The following TMEM132E variants were observed in gnomAD, a reference collection of about 807,000 sequenced individuals.
TMEM132E encodes transmembrane protein 132E.
A neutral mutation model predicts 78.5 loss-of-function variants in TMEM132E; 49 were observed. The ratio of observed to expected loss-of-function variants is 0.62; its 90% CI spans 0.50 to 0.79. The LOEUF (loss-of-function observed/expected upper bound fraction) is 0.79, where lower values mean the gene tolerates loss of function less well. Ranked by LOEUF, TMEM132E falls within the 30% of genes least tolerant of loss-of-function variation. The probability of loss-of-function intolerance (pLI) is 0.00; values close to 1 mark genes in which losing one functional copy is unlikely to be tolerated. For synonymous variants in TMEM132E, 715 were observed against 670.6 expected, an observed-to-expected ratio of 1.07 and a Z score of -1.02; for missense variants, 1,403 against 1,470.9, an observed-to-expected ratio of 0.95 and a Z score of 0.75.
chr17:34,605,194 T>C (rs1258737616), intron 1 of TMEM132E, among the ~76,000 whole-genome samples: 1 of 152,204 alleles, frequency 6.6e-6, no homozygotes, highest in African/African-American at 2.4e-5. Flanking sequence ...TCAGGTCCCT[T>C]GTCACCTACT....
At position 34,596,638 on chromosome 17, in the gene TMEM132E, C is replaced by T. The variant is rs1001317354; in HGVS notation, c.67+15495C>T. ...TAGCCCTTGGTCCATCATTTGCTTCCTTTTCCTTGGTCCCTGGCTATTCCC... is the reference window on the plus strand; with the variant it reads ...TAGCCCTTGGTCCATCATTTGCTTCTTTTTCCTTGGTCCCTGGCTATTCCC... On this transcript the variant is annotated intron_variant, in intron 1 of 8. Coordinates refer to ENST00000631683, the MANE Select transcript of TMEM132E (RefSeq NM_001304438.2). Among the ~76,000 whole-genome samples the T allele has an allele frequency of 7.2e-5, 11 of 152,180 alleles. No individual in the cohort carries two copies. In the South Asian group the frequency reaches 2.3e-3, roughly 32 times the overall value.
intron 1 of TMEM132E, among the ~76,000 whole-genome samples, chr17:34,616,440 A>G (rs73284068): frequency 0.047 from 7,105 of 152,220 alleles, 476 homozygotes; most frequent in East Asian, 0.17. Context: ...CCACCCACTG[A>G]GGGAGTGGCC....
intron 1 of TMEM132E, among the ~76,000 whole-genome samples, chr17:34,614,096 C>T (rs539913344): frequency 6.6e-6 from 1 of 152,262 alleles, no homozygotes; most frequent in South Asian, 2.1e-4. Context: ...AAGGTGAGGG[C>T]TCTCATCATG....
chr17:34,584,959 C>T (rs543956969), intron 1 of TMEM132E, among the ~76,000 whole-genome samples: 29 of 152,364 alleles, frequency 1.9e-4, no homozygotes, highest in African/African-American at 6.5e-4. Context: ...GTCCACACCC[C>T]TACCCCATCC....
chr17:34,586,132 A>G (rs938262018), intron 1 of TMEM132E, among the ~76,000 whole-genome samples: 1 of 151,762 alleles, frequency 6.6e-6, no homozygotes, highest in African/African-American at 2.4e-5. Flanking sequence ...CTCTCTCCCC[A>G]AGCACACGCC....
Position 34,636,196 on chromosome 17 carries a change from C to A in TMEM132E, c.2167C>A (p.Gln723Lys). The change falls in exon 8 of 9, where the codon CAG (glutamine) becomes AAG (lysine). Residue 723 changes from glutamine (Q) to lysine (K), a missense_variant and splice_region_variant. Physicochemically the swap from Gln to Lys is moderately conservative, Grantham distance 53 (BLOSUM62 1). Transcript: ENST00000631683. ...AAQQTLSFLK[Q>K]EALLSLWLSY... ...CCAACAGACCTTGAGCTTCCTCAAGCAGGTAACTGGCTCCTTGGCCCACCA... is the reference window on the plus strand; with the variant it reads ...CCAACAGACCTTGAGCTTCCTCAAGAAGGTAACTGGCTCCTTGGCCCACCA... The A allele has an allele frequency of 6.7e-7, 1 of 1,493,696 alleles. No homozygotes were observed. The highest frequency in any genetic ancestry group is 2.4e-5 in the Admixed American group (1 of 41,500). 92.5% of individuals were successfully genotyped at this position (1,493,696 alleles called of 1,614,324 possible). A position where few individuals can be genotyped will look rare whatever the true frequency, so the allele number is the denominator to read the frequency against.
At position 34,638,005 on chromosome 17, in the gene TMEM132E, G is replaced by C; in HGVS notation, c.2998G>C (p.Glu1000Gln). The C allele has an allele frequency of 6.3e-7, 1 of 1,581,398 alleles. No homozygotes were observed. Among genetic ancestry groups the C allele is most frequent in the Non-Finnish European group, 8.6e-7 (1 of 1,164,332 alleles). Residue 1000 changes from glutamate to glutamine, a missense_variant, in exon 9 of 9, where the codon GAG (glutamate) becomes CAG (glutamine). By Grantham distance (29) the Glu-to-Gln change is conservative. Transcript: ENST00000631683. ...GGGCGGCTCAGCCCGAGACCAAGCC[G>C]AGGACCCCGCCAGCTCGCCCACCTC... ...SSGGSARDQA[E>Q]DPASSPTSKR...
intron 2 of TMEM132E, among the ~76,000 whole-genome samples, chr17:34,627,477 T>TGCGCGCAC (rs764096160): frequency 6.7e-6 from 1 of 149,368 alleles, no homozygotes; most frequent in African/African-American, 2.5e-5. Flanking sequence ...CGTGTGTGTG[T>TGCGCGCAC]GTGTGTGTGT....
At chr17:34,607,808 A>T (rs1397860094) in intron 1 of TMEM132E, among the ~76,000 whole-genome samples, 1 of 151,970 alleles carries the variant, frequency 6.6e-6, no homozygotes, top group Non-Finnish European at 1.5e-5. Flanking sequence ...GAATCATCAG[A>T]TGGAGAGGTA....
chr17:34,628,483 A>G, intron 2 of TMEM132E, 80 bp from the exon 3 acceptor site: 1 of 1,545,596 alleles, frequency 6.5e-7, no homozygotes, highest in South Asian at 1.2e-5. Flanking sequence ...CCCCCAGTAC[A>G]GTCTAGTGAT....
At chr17:34,627,209 C>T in intron 2 of TMEM132E, 152 bp downstream of exon 2, 1 of 832,018 alleles carries the variant, frequency 1.2e-6, no homozygotes, top group Non-Finnish European at 1.9e-6. Flanking sequence ...ACTTGAGCAA[C>T]CTCAGGAAGA....
intron 1 of TMEM132E, among the ~76,000 whole-genome samples, chr17:34,619,395 G>A (rs1906885326): frequency 6.8e-6 from 1 of 147,232 alleles, no homozygotes; most frequent in Non-Finnish European, 1.5e-5. Flanking sequence ...AACAACGCCT[G>A]GAATGCTTCA....
At chr17:34,603,222 A>C (rs1173819167) in intron 1 of TMEM132E, among the ~76,000 whole-genome samples, 6 of 152,150 alleles carry the variant, frequency 3.9e-5, no homozygotes, top group African/African-American at 1.2e-4. Context: ...GGGATAAGGC[A>C]GTGTCTGTAT....
At chr17:34,596,046 TCA>T (rs573248903) in intron 1 of TMEM132E, among the ~76,000 whole-genome samples, 22 of 71,414 alleles carry the variant, frequency 3.1e-4, no homozygotes, top group Middle Eastern at 0.013. Flanking sequence ...CGTCTCTCTG[TCA>T]CACACACACA....
chr17:34,591,307 A>ATT (rs60612426), intron 1 of TMEM132E, among the ~76,000 whole-genome samples: 3,042 of 146,542 alleles, frequency 0.021, 83 homozygotes, highest in East Asian at 0.066. Flanking sequence ...CTCCCTCACT[A>ATT]TTTTTTTTTT....
At chr17:34,584,926 C>T (rs1905613746) in intron 1 of TMEM132E, among the ~76,000 whole-genome samples, 1 of 152,216 alleles carries the variant, frequency 6.6e-6, no homozygotes, top group Non-Finnish European at 1.5e-5. Context: ...GCCCAGCAAC[C>T]TTGAGTTTCT....
At chr17:34,594,031 C>G (rs1309701953) in intron 1 of TMEM132E, among the ~76,000 whole-genome samples, 2 of 152,164 alleles carry the variant, frequency 1.3e-5, no homozygotes, top group Non-Finnish European at 2.9e-5. Flanking sequence ...TCTTTCAGGT[C>G]CCTCCCTGGT....
chr17:34,590,068 T>C (rs1031684485), intron 1 of TMEM132E, among the ~76,000 whole-genome samples: 8 of 152,298 alleles, frequency 5.3e-5, no homozygotes, highest in Non-Finnish European at 1.0e-4. Context: ...ACTGGCATGG[T>C]GCAGAGGGCT....
rs745601820 is a variant in TMEM132E at position 34,629,994 on chromosome 17, TCTC to T, written c.1339-9_1339-7del. On this transcript the variant is annotated splice_polypyrimidine_tract_variant and intron_variant, in intron 4 of 8. Coordinates refer to ENST00000631683, the MANE Select transcript of TMEM132E (RefSeq NM_001304438.2). ...GGGACCACAAGTAGAGCCCCCCCCT[TCTC>T]CTCCCTGCAGGACACAGAGATCATC... 1 of 1,591,304 alleles carries T rather than the reference TCTC, an allele frequency of 6.3e-7. No homozygotes were observed. The highest frequency in any genetic ancestry group is 8.6e-7 in the Non-Finnish European group (1 of 1,162,344).
Sources: allele counts gnomAD v4.1 joint callset (sites outside exome capture counted in the v4.1 genomes callset), GRCh38; gene constraint gnomAD v4.1.1; transcripts MANE v1.5; gene names NCBI Gene and HGNC (gene_info 2026-07-23, HGNC 2026-07-21).